Variants in AGBL1 observed in about 807,000 individuals in gnomAD.
AGBL1 encodes AGBL carboxypeptidase 1.
Under a neutral mutation model 118.9 loss-of-function variants are expected in AGBL1, and 130 were observed. The ratio of observed to expected loss-of-function variants is 1.09; its 90% CI spans 0.95 to 1.26. The LOEUF is 1.26. Among genes scored for constraint, AGBL1 ranks in the 50% most tolerant of loss-of-function variants. The pLI, the probability that AGBL1 is intolerant of heterozygous loss-of-function variation, is 0.00. For synonymous variants in AGBL1, 555 were observed against 478.9 expected (o/e 1.16, Z -2.08); for missense variants, 1,584 against 1,298.1 (o/e 1.22, Z -3.38).
At chr15:86,810,475 A>G (rs1291804555) in intron 22 of AGBL1, among the ~76,000 whole-genome samples, 1 of 152,078 alleles carries the variant, frequency 6.6e-6, no homozygotes, top group Non-Finnish European at 1.5e-5. Flanking sequence ...AAACCCTATT[A>G]ATCAGCACCT....
rs138538649 is a variant in AGBL1, at chr15:86,605,853, A to C, written c.2994+51316A>C. ...GGTTGAAAGAGTAAAGAAGCCAGGC[A>C]TGGTGGCTCACATCTGTAATCCCAG... On this transcript the variant is annotated intron_variant, in intron 21 of 22. Transcript: ENST00000614907. Among the ~76,000 whole-genome samples the C allele has an allele frequency of 1.4e-3, 218 of 152,032 alleles. 1 individual carries two copies. The South Asian group carries it at 0.019, about 13-fold the overall frequency.
intron 24 of AGBL1, among the ~76,000 whole-genome samples, chr15:86,997,459 C>T (rs1478967544): frequency 6.6e-6 from 1 of 152,140 alleles, no homozygotes; most frequent in Non-Finnish European, 1.5e-5. Flanking sequence ...TAATTGAAGA[C>T]TAAATTAATT....
At chr15:86,453,709 C>T (rs1000090541) in intron 18 of AGBL1, among the ~76,000 whole-genome samples, 2 of 152,112 alleles carry the variant, frequency 1.3e-5, no homozygotes, top group Non-Finnish European at 2.9e-5. Flanking sequence ...TGTTTACATT[C>T]TTAGAGGTGG....
chr15:86,971,640 CCTCTT>C (rs2141704228), intron 23 of AGBL1, among the ~76,000 whole-genome samples: 1 of 152,028 alleles, frequency 6.6e-6, no homozygotes, highest in Admixed American at 6.6e-5. Flanking sequence ...CATGATTTCT[CCTCTT>C]ATTTGCGTAA....
At chr15:86,418,107 A>T (rs2081725471) in intron 18 of AGBL1, among the ~76,000 whole-genome samples, 1 of 152,138 alleles carries the variant, frequency 6.6e-6, no homozygotes, top group Non-Finnish European at 1.5e-5. Flanking sequence ...TATCCATTTC[A>T]TTTGGCTTTC....
chr15:86,406,797 C>A (rs2081536246), intron 18 of AGBL1, among the ~76,000 whole-genome samples: 1 of 152,056 alleles, frequency 6.6e-6, no homozygotes, highest in Non-Finnish European at 1.5e-5. Flanking sequence ...CTTCCTATGG[C>A]AAAAATACAA....
At chr15:86,327,551 C>T (rs144577638) in intron 17 of AGBL1, among the ~76,000 whole-genome samples, 2 of 152,166 alleles carry the variant, frequency 1.3e-5, no homozygotes, top group African/African-American at 4.8e-5. Context: ...ACCTAAGAGA[C>T]AATAAATCTT....
intron 22 of AGBL1, among the ~76,000 whole-genome samples, chr15:86,756,707 GC>G (rs1004406466): frequency 2.0e-5 from 3 of 152,018 alleles, no homozygotes; most frequent in Admixed American, 2.0e-4. Context: ...AAAACCTGGA[GC>G]ATCATGGGAG....
chr15:86,156,476 A>G (rs940538243), intron 4 of AGBL1, among the ~76,000 whole-genome samples: 1 of 152,164 alleles, frequency 6.6e-6, no homozygotes, highest in Non-Finnish European at 1.5e-5. Flanking sequence ...CCCTATCTCC[A>G]GATACAGTCC....
intron 21 of AGBL1, among the ~76,000 whole-genome samples, chr15:86,632,721 A>G (rs1027222409): frequency 6.6e-6 from 1 of 151,956 alleles, no homozygotes; most frequent in Non-Finnish European, 1.5e-5. Flanking sequence ...CCTATAAGTA[A>G]GGGCTTCTGA....
chr15:86,296,947 G>A (rs1036200760), intron 17 of AGBL1: 28 of 152,116 alleles, frequency 1.8e-4, no homozygotes, highest in African/African-American at 6.5e-4. Flanking sequence ...AAGTGCCTCC[G>A]TTTTTGCATT....
intron 1 of AGBL1, among the ~76,000 whole-genome samples, chr15:86,110,130 G>C (rs1225195476): frequency 1.3e-5 from 2 of 152,226 alleles, no homozygotes; most frequent in African/African-American, 4.8e-5. Flanking sequence ...AGCTTTAGCT[G>C]CGTAAGATTT....
At chr15:86,771,915 G>A (rs1022798205) in intron 22 of AGBL1, among the ~76,000 whole-genome samples, 1 of 151,968 alleles carries the variant, frequency 6.6e-6, no homozygotes, top group African/African-American at 2.4e-5. Flanking sequence ...TAAGGGAAAT[G>A]GGTGTTTACA....
chr15:86,790,515 C>A (rs1035282522), intron 22 of AGBL1, among the ~76,000 whole-genome samples: 2 of 152,162 alleles, frequency 1.3e-5, no homozygotes, highest in African/African-American at 2.4e-5. Flanking sequence ...CAAGCTAGTG[C>A]CCTGTGGCAA....
At chr15:86,220,725 G>A (rs2078267434) in intron 5 of AGBL1, among the ~76,000 whole-genome samples, 1 of 152,170 alleles carries the variant, frequency 6.6e-6, no homozygotes, top group Admixed American at 6.5e-5. Context: ...GGAGCAAGAT[G>A]TTCTGCAAAA....
chr15:86,623,011 C>A (rs181838476), intron 21 of AGBL1, among the ~76,000 whole-genome samples: 2 of 152,080 alleles, frequency 1.3e-5, no homozygotes, highest in Non-Finnish European at 2.9e-5. Context: ...AGGGTTCGCA[C>A]GCCTATGAGA....
intron 18 of AGBL1, among the ~76,000 whole-genome samples, chr15:86,517,040 C>G (rs1268826452): frequency 6.6e-6 from 1 of 152,142 alleles, no homozygotes; most frequent in Non-Finnish European, 1.5e-5. Flanking sequence ...TTAATCTTCT[C>G]TATTGGTGTT....
chr15:86,144,968 G>A (rs2077013144), intron 3 of AGBL1, among the ~76,000 whole-genome samples: 1 of 152,162 alleles, frequency 6.6e-6, no homozygotes, highest in Non-Finnish European at 1.5e-5. Flanking sequence ...GTTCCTTCTG[G>A]AGTCTCTGAG....
chr15:86,380,544 C>CTTCCTTCTTCCTCCCTCCCT (rs1555475696), intron 17 of AGBL1, among the ~76,000 whole-genome samples: 2 of 146,840 alleles, frequency 1.4e-5, no homozygotes, highest in Non-Finnish European at 3.0e-5. Flanking sequence ...TCCTCGCTTC[C>CTTCCTTCTTCCTCCCTCCCT]TTCCTTCTTC....
Sources: gnomAD v4.1 joint callset for allele counts (sites outside exome capture counted in the v4.1 genomes callset) on GRCh38, gnomAD v4.1.1 for gene constraint, MANE v1.5 for transcripts, NCBI Gene and HGNC (gene_info 2026-07-23, HGNC 2026-07-21) for gene names.